Variants in CHD4 observed in about 807,000 individuals in gnomAD.
CHD4 encodes chromodomain helicase DNA binding protein 4, also known as ATP-dependent chromatin remodeler CHD4.
A neutral mutation model predicts 235.5 loss-of-function variants in CHD4; 35 were observed. That is an observed-to-expected ratio of 0.15 (90% CI 0.11 to 0.20). The LOEUF is 0.20. CHD4 is among the 10% of genes least tolerant of loss of function. The pLI, the probability that CHD4 is intolerant of heterozygous loss-of-function variation, is 1.00. For missense variants in CHD4, 1,329 were observed against 2,432.3 expected, an observed-to-expected ratio of 0.55 and a Z score of 9.54; for synonymous variants, 900 against 850.2, an observed-to-expected ratio of 1.06 and a Z score of -1.02.
chr12:6,598,780 G>A (rs986458108), intron 10 of CHD4, among the ~76,000 whole-genome samples: 76 of 152,322 alleles, frequency 5.0e-4, no homozygotes, highest in African/African-American at 1.8e-3. Context: ...CTGCACTCCA[G>A]CCTGGGGGAC....
At chr12:6,591,394 G>A in intron 22 of CHD4, 72 bp downstream of exon 22, 2 of 1,167,632 alleles carry the variant, frequency 1.7e-6, no homozygotes, top group Non-Finnish European at 2.5e-6. Context: ...AAAAGGAGAT[G>A]CACAAGAAGT....
intron 15 of CHD4, 116 bp downstream of exon 15, chr12:6,594,343 T>C (rs546346048): frequency 7.5e-4 from 601 of 801,434 alleles, no homozygotes; most frequent in Non-Finnish European, 9.9e-4. Context: ...TTATCCACAG[T>C]GTTCTTGAAG....
intron 25 of CHD4, chr12:6,584,460 C>T (rs1223730988): frequency 1.3e-5 from 2 of 152,028 alleles, no homozygotes; most frequent in African/African-American, 4.8e-5. Context: ...AGTAGAGTGG[C>T]GTCATTACGG....
At chr12:6,573,052 A>AG in intron 38 of CHD4, 22 bp downstream of exon 38, 1 of 1,588,158 alleles carries the variant, frequency 6.3e-7, no homozygotes, top group Non-Finnish European at 8.5e-7. Context: ...AATCGGCAGG[A>AG]GGCAGGGGAG....
At chr12:6,605,688 C>T (rs770702848) in intron 2 of CHD4, among the ~76,000 whole-genome samples, 4 of 152,202 alleles carry the variant, frequency 2.6e-5, no homozygotes, top group Non-Finnish European at 5.9e-5. Flanking sequence ...ATCACTTCCC[C>T]ACTCAAAACA....
intron 10 of CHD4, among the ~76,000 whole-genome samples, chr12:6,599,379 G>A (rs1948551219): frequency 1.3e-5 from 2 of 151,872 alleles, no homozygotes; most frequent in African/African-American, 4.8e-5. Context: ...GTTGGAGGCT[G>A]CAATGAGCTA....
chr12:6,601,554 A>G (rs1948591567), intron 5 of CHD4, 24 bp from the exon 6 acceptor site: 5 of 1,614,058 alleles, frequency 3.1e-6, no homozygotes, highest in Non-Finnish European at 4.2e-6. Flanking sequence ...GCACAAGAGC[A>G]GAGGGAAAGG....
At chr12:6,595,090 G>A (rs527995413) in intron 14 of CHD4, among the ~76,000 whole-genome samples, 31 of 151,484 alleles carry the variant, frequency 2.0e-4, no homozygotes, top group Non-Finnish European at 3.7e-4. Context: ...CCTCCCCCCA[G>A]ACAACACTTC....
chr12:6,587,133 T>C lies in CHD4; in HGVS notation c.3879+251A>G, dbSNP rs1592270101. The C allele has an allele frequency of 6.2e-6, 3 of 484,316 alleles. No homozygotes were observed. The East Asian group carries it at 1.0e-4, about 17-fold the overall frequency. The allele number at this position is 484,316 out of a possible 1,614,324, so 30.0% of individuals were successfully genotyped here. A position where few individuals can be genotyped will look rare whatever the true frequency, so the allele number is the denominator to read the frequency against. ...GTTTAATAAAACACATAGGAGAAAATGACATTCTGGTAAAGAGCCAAAATA... is the reference window on the plus strand; with the variant it reads ...GTTTAATAAAACACATAGGAGAAAACGACATTCTGGTAAAGAGCCAAAATA... On this transcript the variant is annotated intron_variant, in intron 25 of 39. Transcript: ENST00000544040.
Position 6,598,209 on chromosome 12 carries a change from A to G in CHD4, c.1686+13T>C. ...ATCGTAGCCCCTACATCTCCAGACTATCCTAAACTTACCTGCAGTTCAGAA... is the reference window on the plus strand; with the variant it reads ...ATCGTAGCCCCTACATCTCCAGACTGTCCTAAACTTACCTGCAGTTCAGAA... On this transcript the variant is annotated intron_variant, in intron 11 of 39. Transcript: ENST00000544040. 1 of 1,611,536 alleles carries G rather than the reference A, an allele frequency of 6.2e-7. No homozygotes were observed. The highest frequency in any genetic ancestry group is 8.5e-7 in the Non-Finnish European group (1 of 1,178,154).
chr12:6,581,922 C>A, intron 30 of CHD4, 108 bp from the exon 31 acceptor site: 1 of 1,352,146 alleles, frequency 7.4e-7, no homozygotes, highest in Admixed American at 2.7e-5. Flanking sequence ...CCTGCCTCAG[C>A]CTTCTGAGTA....
chr12:6,595,289 C>A (rs371665146), intron 14 of CHD4, 45 bp downstream of exon 14: 2 of 1,485,592 alleles, frequency 1.3e-6, no homozygotes, highest in African/African-American at 2.8e-5. Context: ...AGCAAAGATA[C>A]ATTGTCCTAC....
chr12:6,596,487 A>G (rs1004171187), intron 12 of CHD4, among the ~76,000 whole-genome samples: 5 of 133,006 alleles, frequency 3.8e-5, no homozygotes, highest in Non-Finnish European at 8.1e-5. Context: ...CGTCTCTACT[A>G]AAAAAAAAAA....
Position 6,600,680 on chromosome 12 carries a change from GAA to G in CHD4, c.928-13_928-12del, listed in dbSNP as rs768891645. On this transcript the variant is annotated splice_polypyrimidine_tract_variant and intron_variant, in intron 7 of 39. Transcript: ENST00000544040. ...GTCATCATCCTCACTCTGGCAGGAT[GAA>G]AAAGAATAAGGTTAGACGTTCAAGC... 2.9e-5 allele frequency: 46 copies of G among 1,613,434 alleles called. No individual in the cohort carries two copies. The highest frequency in any genetic ancestry group is 3.8e-5 in the Non-Finnish European group (45 of 1,179,862).
intron 22 of CHD4, among the ~76,000 whole-genome samples, chr12:6,590,884 G>A (rs187941508): frequency 2.6e-5 from 4 of 152,180 alleles, no homozygotes; most frequent in Admixed American, 2.6e-4. Context: ...CAGCACTTTG[G>A]GAGGCCGAGG....
intron 3 of CHD4, 35 bp from the exon 4 acceptor site, chr12:6,602,210 C>G: frequency 6.2e-7 from 1 of 1,609,534 alleles, no homozygotes; most frequent in Admixed American, 1.7e-5. Flanking sequence ...GGGAGACAGA[C>G]ACACACATGC....
intron 37 of CHD4, 159 bp downstream of exon 37, chr12:6,577,626 T>C: frequency 1.1e-6 from 1 of 901,192 alleles, no homozygotes; most frequent in South Asian, 1.6e-5. Context: ...CAATTCTGTG[T>C]GTCTTCAACC....
At position 6,583,006 on chromosome 12, in the gene CHD4, CAAAA is replaced by C; in HGVS notation, c.4147+17_4147+20del. ...AACAAAGCAACATTTAGAAAAGCAA[CAAAA>C]AAAGCACAGCCCTCACCTTCTGAAC... On this transcript the variant is annotated intron_variant, in intron 27 of 39. Transcript: ENST00000544040. 6.3e-7 allele frequency: 1 copy of C among 1,582,134 alleles called. No homozygotes were observed. Among genetic ancestry groups the C allele is most frequent in the Non-Finnish European group, 8.6e-7 (1 of 1,166,840 alleles).
In CHD4 at chr12:6,591,374, A is replaced by G. The variant is rs1048256756; in HGVS notation, c.3340+92T>C. ...ATCTCAAATGACAAAGTCCCAAAAG[A>G]ACTACACAGAAAAGGAGATGCACAA... On this transcript the variant is annotated intron_variant, in intron 22 of 39. Transcript: ENST00000544040. The G allele has an allele frequency of 1.4e-4, 134 of 964,422 alleles. No homozygotes were observed. In the South Asian group the frequency reaches 1.7e-3, roughly 12 times the overall value. 59.7% of individuals were successfully genotyped at this position (964,422 alleles called of 1,614,324 possible). A position where few individuals can be genotyped will look rare whatever the true frequency, so the allele number is the denominator to read the frequency against.
Sources: allele counts gnomAD v4.1 joint callset (sites outside exome capture counted in the v4.1 genomes callset), GRCh38; gene constraint gnomAD v4.1.1; transcripts MANE v1.5; gene names NCBI Gene and HGNC (gene_info 2026-07-23, HGNC 2026-07-21).